The following TRPC4AP variants were observed in gnomAD, a reference collection of about 807,000 sequenced individuals.
The protein encoded by TRPC4AP is transient receptor potential cation channel subfamily C member 4 associated protein, also known as short transient receptor potential channel 4-associated protein.
TRPC4AP carries 45 observed loss-of-function variants against 99.0 expected under a neutral mutation model. The observed-to-expected ratio is 0.45, with a 90% CI of 0.36 to 0.58. TRPC4AP has a LOEUF of 0.58. TRPC4AP is among the 20% of genes least tolerant of loss of function. The pLI, the probability that TRPC4AP is intolerant of heterozygous loss-of-function variation, is 0.00. For synonymous variants in TRPC4AP, 408 were observed against 385.8 expected, an observed-to-expected ratio of 1.06 and a Z score of -0.67; for missense variants, 879 against 985.3, an observed-to-expected ratio of 0.89 and a Z score of 1.44.
intron 5 of TRPC4AP, among the ~76,000 whole-genome samples, chr20:35,054,643 G>A (rs2083783508): frequency 6.6e-6 from 1 of 152,174 alleles, no homozygotes; most frequent in Non-Finnish European, 1.5e-5. Flanking sequence ...TGAAGAAATA[G>A]GCATAATGGA....
At chr20:35,013,450 C>G (rs1030282588) in intron 10 of TRPC4AP, among the ~76,000 whole-genome samples, 1 of 152,036 alleles carries the variant, frequency 6.6e-6, no homozygotes, top group Non-Finnish European at 1.5e-5. Context: ...ATAGTTGCTG[C>G]GCCTGTAATT....
Position 35,078,109 on chromosome 20 carries a change from G to C in TRPC4AP, c.234C>G (p.Leu78=), listed in dbSNP as rs143543424. 390 of 1,614,002 alleles carry C rather than the reference G, an allele frequency of 2.4e-4. 1 individual carries two copies. In the African/African-American group the frequency reaches 4.4e-3, roughly 18 times the overall value. ...GGTGGCTGGTGGTGTGCAGCTTGAG[G>C]AGCAGCTGAGGAATTCCACTCCACT... is the stretch of plus-strand genomic sequence containing the variant. ...QSKWSGIPQL[L]LKLHTTSHLH... Residue 78 remains leucine (L), a synonymous_variant, in exon 2 of 19, where the codon CTC becomes CTG. Transcript: ENST00000252015.
chr20:35,037,132 G>A, intron 7 of TRPC4AP, among the ~76,000 whole-genome samples: 1 of 152,022 alleles, frequency 6.6e-6, no homozygotes, highest in Non-Finnish European at 1.5e-5. Flanking sequence ...GGATCACAAG[G>A]TCAGGAGATC....
chr20:35,077,995 T>C (rs764747988), intron 2 of TRPC4AP, 51 bp downstream of exon 2: 18 of 1,514,532 alleles, frequency 1.2e-5, no homozygotes, highest in Non-Finnish European at 1.5e-5. Context: ...GCAGACATCT[T>C]GTGTCACCTA....
intron 17 of TRPC4AP, 94 bp from the exon 18 acceptor site, chr20:35,003,710 C>T: frequency 7.3e-7 from 1 of 1,377,058 alleles, no homozygotes; most frequent in Non-Finnish European, 9.9e-7. Context: ...AGGAGAGTGG[C>T]CCCAGGCCTC....
In TRPC4AP at chr20:35,046,693, C is replaced by T. The variant is rs908069933; in HGVS notation, c.658-1981G>A. Among the ~76,000 whole-genome samples, 108 of 152,212 alleles carry T rather than the reference C, an allele frequency of 7.1e-4. 1 individual carries two copies. The highest frequency in any genetic ancestry group is 2.3e-3 in the African/African-American group (97 of 41,518). On this transcript the variant is annotated intron_variant, in intron 6 of 18. Coordinates refer to ENST00000252015, the MANE Select transcript of TRPC4AP (RefSeq NM_015638.3). Reference sequence around the variant, plus strand: ...CTGTGCAGGGGGCATTGGGGAACAACTGCTTCCACTTTTCCTTTTCCCTAG... The same window carrying T: ...CTGTGCAGGGGGCATTGGGGAACAATTGCTTCCACTTTTCCTTTTCCCTAG...
intron 5 of TRPC4AP, among the ~76,000 whole-genome samples, chr20:35,051,173 T>A (rs2083691650): frequency 1.3e-5 from 2 of 152,196 alleles, no homozygotes; most frequent in Non-Finnish European, 2.9e-5. Flanking sequence ...TTTACTGCGA[T>A]AAACTTGACT....
intron 9 of TRPC4AP, 61 bp from the exon 10 acceptor site, chr20:35,016,200 C>G: frequency 5.6e-6 from 9 of 1,597,616 alleles, no homozygotes; most frequent in Non-Finnish European, 7.7e-6. Context: ...CTAGCAAAAC[C>G]TCGTGCTCAG....
At position 35,003,402 on chromosome 20, in the gene TRPC4AP, G is replaced by GCACT; in HGVS notation, c.2256+4_2256+7dup. ...CACCCATCACCCCCTTGAGGGTGGG[G>GCACT]CACTCACGTTCTCTAGGCAGGTGCT... is the stretch of plus-strand genomic sequence containing the variant. On this transcript the variant is annotated splice_region_variant and intron_variant, in intron 18 of 18. Transcript: ENST00000252015. 6.2e-7 allele frequency: 1 copy of GCACT among 1,614,064 alleles called. No homozygotes were observed. Among genetic ancestry groups the GCACT allele is most frequent in the South Asian group, 1.1e-5 (1 of 91,084 alleles).
Position 35,006,442 on chromosome 20 carries a change from T to C in TRPC4AP, c.1820A>G (p.Asp607Gly). 1.2e-6 allele frequency: 2 copies of C among 1,614,138 alleles called. No individual in the cohort carries two copies. The highest frequency in any genetic ancestry group is 1.7e-5 in the Admixed American group (1 of 60,024). ...GCCCTGGGTTAACTTTACCTTTGCA[T>C]CGGTGTTGATATATTTATTGAATCT... ...FKRFNKYINTDAKFQVFLKQI... is the reference protein window; with the variant it reads ...FKRFNKYINTGAKFQVFLKQI... The change falls in exon 15 of 19, where the codon GAT becomes GGT. Residue 607 changes from aspartate (D) to glycine (G), a missense_variant. Physicochemically the swap from Asp to Gly is moderately conservative, Grantham distance 94. Around this residue, in one of 3 missense-constraint regions of TRPC4AP, gnomAD observed 224 missense variants for 264.7 expected, o/e 0.85. Coordinates refer to ENST00000252015, the MANE Select transcript of TRPC4AP (RefSeq NM_015638.3).
At chr20:35,092,550 C>A in intron 1 of TRPC4AP, 64 bp downstream of exon 1, 1 of 1,414,290 alleles carries the variant, frequency 7.1e-7, no homozygotes, top group Non-Finnish European at 9.1e-7. Flanking sequence ...AGGCCTCTTC[C>A]CCGGCCCCCC....
intron 3 of TRPC4AP, among the ~76,000 whole-genome samples, chr20:35,061,614 G>C (rs2084009822): frequency 6.6e-6 from 1 of 152,202 alleles, no homozygotes. Context: ...AATGATGAAA[G>C]AGTAGTTTTT....
At position 35,012,759 on chromosome 20, in the gene TRPC4AP, G is replaced by A. The variant is rs577550228; in HGVS notation, c.1409+249C>T. Among the ~76,000 whole-genome samples, 14 of 152,304 alleles carry A rather than the reference G, an allele frequency of 9.2e-5. No homozygotes were observed. In the East Asian group the frequency reaches 2.7e-3, roughly 29 times the overall value. ...ATTCCAAAGGTAGTAAGGGGCCAACGACTTCCATACTCAGTTCCTGGGGTG... is the reference window on the plus strand; with the variant it reads ...ATTCCAAAGGTAGTAAGGGGCCAACAACTTCCATACTCAGTTCCTGGGGTG... On this transcript the variant is annotated intron_variant, in intron 11 of 18. Coordinates refer to ENST00000252015, the MANE Select transcript of TRPC4AP (RefSeq NM_015638.3).
chr20:35,007,804 C>G (rs2082545632), intron 13 of TRPC4AP, among the ~76,000 whole-genome samples, 164 bp from the exon 14 acceptor site: 1 of 152,200 alleles, frequency 6.6e-6, no homozygotes, highest in Admixed American at 6.5e-5. Flanking sequence ...CACAGCAGTG[C>G]CCCCATCCTC....
At position 35,035,163 on chromosome 20, in the gene TRPC4AP, G is replaced by A; in HGVS notation, c.1011C>T (p.Ala337=). The A allele has an allele frequency of 6.2e-7, 1 of 1,613,832 alleles. No homozygotes were observed. Residue 337 remains alanine, a synonymous_variant, in exon 8 of 19, where the codon GCC becomes GCT. Coordinates refer to ENST00000252015, the MANE Select transcript of TRPC4AP (RefSeq NM_015638.3). ...ACTCCTCATTGGCCACTCGCATCAG[G>A]GCATCTAGCACCAAAGCATTGTCTA... ...TWLDNALVLD[A]LMRVANEESE...
intron 13 of TRPC4AP, among the ~76,000 whole-genome samples, chr20:35,008,409 T>C (rs957977959): frequency 2.0e-5 from 3 of 152,140 alleles, no homozygotes; most frequent in African/African-American, 7.2e-5. Context: ...CGTATCCTAG[T>C]TCTCTCCCAC....
At chr20:35,092,559 C>G (rs1425478298) in intron 1 of TRPC4AP, 55 bp downstream of exon 1, 4 of 1,407,634 alleles carry the variant, frequency 2.8e-6, no homozygotes, top group Non-Finnish European at 3.7e-6. Flanking sequence ...CCCCGGCCCC[C>G]CGCCAGCTCC....
At chr20:35,086,282 T>G (rs1422657878) in intron 1 of TRPC4AP, among the ~76,000 whole-genome samples, 1 of 151,892 alleles carries the variant, frequency 6.6e-6, no homozygotes, top group East Asian at 1.9e-4. Flanking sequence ...TAAAGGATAA[T>G]AAAGATAAAA....
chr20:35,018,274 T>C (rs1203159364), intron 9 of TRPC4AP, among the ~76,000 whole-genome samples: 1 of 152,196 alleles, frequency 6.6e-6, no homozygotes, highest in Non-Finnish European at 1.5e-5. Context: ...AGGTTTCTAC[T>C]ACATCATTTC....
Sources: gnomAD v4.1 joint callset for allele counts (sites outside exome capture counted in the v4.1 genomes callset) on GRCh38, gnomAD v4.1.1 for gene constraint, gnomAD v4.1.1 regional missense constraint, MANE v1.5 for transcripts, NCBI Gene and HGNC (gene_info 2026-07-23, HGNC 2026-07-21) for gene names.